HAPLN3: variants seen among roughly 807,000 people sequenced by gnomAD.
The protein encoded by HAPLN3 is hyaluronan and proteoglycan link protein 3.
Under a neutral mutation model 28.1 loss-of-function variants are expected in HAPLN3, and 28 were observed. The observed-to-expected ratio is 1.00, with a 90% confidence interval of 0.74 to 1.37. The LOEUF (loss-of-function observed/expected upper bound fraction) is 1.37. Among genes scored for constraint, HAPLN3 ranks in the 40% most tolerant of loss-of-function variants. HAPLN3 has a pLI of 0.00. For missense variants in HAPLN3, 513 were observed against 504.6 expected (o/e 1.02, Z -0.16); for synonymous variants, 211 against 213.1 (o/e 0.99, Z 0.09).
intron 2 of HAPLN3, among the ~76,000 whole-genome samples, chr15:88,883,142 T>C (rs1294562184): frequency 6.6e-6 from 1 of 152,196 alleles, no homozygotes; most frequent in Admixed American, 6.5e-5. Flanking sequence ...ATGTAGCAGA[T>C]TGCCATATGC....
chr15:88,878,288 C>T lies in HAPLN3; in HGVS notation c.797-32G>A, dbSNP rs74961103. 1,018 of 1,576,300 alleles carry T rather than the reference C, an allele frequency of 6.5e-4. 5 individuals carry two copies. In the East Asian group the frequency reaches 0.019, roughly 29 times the overall value. On this transcript the variant is annotated intron_variant, in intron 4 of 4. Coordinates refer to ENST00000359595, the MANE Select transcript of HAPLN3 (RefSeq NM_178232.4). ...GAAAGGGGGCGTGAGTGCCGTACAGCGCAGGGGGCAGCCAGAGAGCACAGC... is the reference window on the plus strand; with the variant it reads ...GAAAGGGGGCGTGAGTGCCGTACAGTGCAGGGGGCAGCCAGAGAGCACAGC...
At chr15:88,885,565 C>T (rs1897830767) in intron 2 of HAPLN3, among the ~76,000 whole-genome samples, 1 of 150,418 alleles carries the variant, frequency 6.6e-6, no homozygotes, top group Admixed American at 6.7e-5. Context: ...TCAAGCAATT[C>T]TCCTGCCTCA....
intron 1 of HAPLN3, among the ~76,000 whole-genome samples, chr15:88,894,676 C>T (rs919131050): frequency 6.6e-6 from 1 of 152,210 alleles, no homozygotes; most frequent in Non-Finnish European, 1.5e-5. Context: ...GGCACTCCCG[C>T]GGGTCAGCGC....
Position 88,881,521 on chromosome 15 carries a change from C to G in HAPLN3, c.329G>C (p.Arg110Pro), listed in dbSNP as rs751794682. Reference sequence around the variant, plus strand: ...GCGGCCTTGGTAGTCCCCAAAGGAGCGGTGCCTCAGCCCGATGGCCACCAG... The same window carrying G: ...GCGGCCTTGGTAGTCCCCAAAGGAGGGGTGCCTCAGCCCGATGGCCACCAG... ...DVLVAIGLRH[R>P]SFGDYQGRVH... is the part of the protein sequence containing the mutation. Residue 110 changes from arginine to proline, a missense_variant, in exon 3 of 5, where the codon CGC (arginine) becomes CCC (proline). Coordinates refer to ENST00000359595, the MANE Select transcript of HAPLN3 (RefSeq NM_178232.4). The surrounding 1 kb of genome is among the most constrained non-coding windows in gnomAD (Gnocchi z 6.0). The G allele has an allele frequency of 6.2e-7, 1 of 1,614,078 alleles. No homozygotes were observed. The highest frequency in any genetic ancestry group is 8.5e-7 in the Non-Finnish European group (1 of 1,180,044).
At chr15:88,885,943 G>C (rs1259770363) in intron 2 of HAPLN3, among the ~76,000 whole-genome samples, 1 of 152,128 alleles carries the variant, frequency 6.6e-6, no homozygotes, top group African/African-American at 2.4e-5. Context: ...AACTCTCTGA[G>C]CCTAGTTTGC....
Position 88,881,345 on chromosome 15 carries a change from T to C in HAPLN3, c.493+12A>G. On this transcript the variant is annotated intron_variant, in intron 3 of 4. Transcript: ENST00000359595. This position sits in a 1 kb window ranked among gnomAD's most constrained non-coding sequence, Gnocchi z 6.0. Reference sequence around the variant, plus strand: ...AGGTCCCAGTGTCACCCAGTCCCCGTTAGCATCTCACCCCGCAGCTCCAGC... The same window carrying C: ...AGGTCCCAGTGTCACCCAGTCCCCGCTAGCATCTCACCCCGCAGCTCCAGC... 1.2e-6 allele frequency: 2 copies of C among 1,604,472 alleles called. No homozygotes were observed. Among genetic ancestry groups the C allele is most frequent in the Non-Finnish European group, 1.7e-6 (2 of 1,175,144 alleles).
At chr15:88,882,668 T>C (rs1897738391) in intron 2 of HAPLN3, among the ~76,000 whole-genome samples, 1 of 152,188 alleles carries the variant, frequency 6.6e-6, no homozygotes, top group Admixed American at 6.5e-5. Flanking sequence ...CACTGATTCA[T>C]TCTCTTGGGT....
chr15:88,892,997 ATCT>A, intron 1 of HAPLN3: 16 of 1,535,136 alleles, frequency 1.0e-5, no homozygotes, highest in Non-Finnish European at 1.4e-5. Context: ...AGTTCCCCAA[ATCT>A]TCTGGAGTCC....
In HAPLN3 at chr15:88,878,156, G is replaced by C. The variant is rs551454219; in HGVS notation, c.897C>G (p.Leu299=). 2 of 1,614,182 alleles carry C rather than the reference G, an allele frequency of 1.2e-6. No individual in the cohort carries two copies. The highest frequency in any genetic ancestry group is 2.7e-5 in the African/African-American group (2 of 75,066). The part of the protein sequence containing the change: ...DDATIAKVGQ[L]FAAWKFHGLD... ...GGCCATGGAACTTCCAGGCGGCAAA[G>C]AGCTGTCCCACCTTGGCGATCGTGG... The change falls in exon 5 of 5, where the codon CTC becomes CTG. Residue 299 remains leucine, a synonymous_variant. Coordinates refer to ENST00000359595, the MANE Select transcript of HAPLN3 (RefSeq NM_178232.4).
In HAPLN3 at chr15:88,878,217, A is replaced by T; in HGVS notation, c.836T>A (p.Leu279Gln). 6.2e-7 allele frequency: 1 copy of T among 1,614,038 alleles called. No homozygotes were observed. Among genetic ancestry groups the T allele is most frequent in the Non-Finnish European group, 8.5e-7 (1 of 1,179,950 alleles). Reference sequence around the variant, plus strand: ...CTGGCAGGCCTCCCTTGCCTCTGTCAGCGTCAGCTTCTCAGGGTGCTCCAG... The same window carrying T: ...CTGGCAGGCCTCCCTTGCCTCTGTCTGCGTCAGCTTCTCAGGGTGCTCCAG... The part of the protein sequence containing the change: ...YYLEHPEKLT[L>Q]TEAREACQED... The change falls in exon 5 of 5, where the codon CTG becomes CAG. Residue 279 changes from leucine to glutamine, a missense_variant. Coordinates refer to ENST00000359595, the MANE Select transcript of HAPLN3 (RefSeq NM_178232.4).
In HAPLN3 at chr15:88,886,480, TA is replaced by T. The variant is rs199912281; in HGVS notation, c.124+694del. ...GTTGGGTGCACAATAACTGCTACTT[TA>T]AAACGTTCCCTGCCCAAGGCCACAC... On this transcript the variant is annotated intron_variant, in intron 2 of 4. Coordinates refer to ENST00000359595, the MANE Select transcript of HAPLN3 (RefSeq NM_178232.4). Among the ~76,000 whole-genome samples, 901 of 152,120 alleles carry T rather than the reference TA, an allele frequency of 5.9e-3. 13 individuals are homozygous for T. The highest frequency in any genetic ancestry group is 0.021 in the African/African-American group (859 of 41,508).
chr15:88,881,330 G>T lies in HAPLN3; in HGVS notation c.493+27C>A. 1 of 1,592,512 alleles carries T rather than the reference G, an allele frequency of 6.3e-7. No individual in the cohort carries two copies. Among genetic ancestry groups the T allele is most frequent in the Non-Finnish European group, 8.6e-7 (1 of 1,169,168 alleles). On this transcript the variant is annotated intron_variant, in intron 3 of 4. Transcript: ENST00000359595. The surrounding 1 kb of genome is among the most constrained non-coding windows in gnomAD (Gnocchi z 6.0). The stretch of plus-strand genomic sequence containing the variant: ...CTCCCCTCTGCTCTCAGGTCCCAGT[G>T]TCACCCAGTCCCCGTTAGCATCTCA...
chr15:88,886,814 G>C (rs1473739057), intron 2 of HAPLN3, among the ~76,000 whole-genome samples: 2 of 152,180 alleles, frequency 1.3e-5, no homozygotes, highest in African/African-American at 4.8e-5. Flanking sequence ...AACAGAGTGA[G>C]ACTTTATCTC....
intron 2 of HAPLN3, 37 bp downstream of exon 2, chr15:88,887,138 C>T (rs778408598): frequency 1.2e-6 from 2 of 1,612,676 alleles, no homozygotes; most frequent in South Asian, 1.1e-5. Context: ...CTAGGTCACC[C>T]AGGGGAGCAA....
At chr15:88,883,211 G>A (rs975283738) in intron 2 of HAPLN3, among the ~76,000 whole-genome samples, 1 of 152,224 alleles carries the variant, frequency 6.6e-6, no homozygotes, top group African/African-American at 2.4e-5. Context: ...GAATTTGTCA[G>A]AAATGCACAT....
Position 88,880,641 on chromosome 15 carries a change from A to T in HAPLN3, c.493+716T>A, listed in dbSNP as rs1472340276. On this transcript the variant is annotated intron_variant, in intron 3 of 4. Coordinates refer to ENST00000359595, the MANE Select transcript of HAPLN3 (RefSeq NM_178232.4). This position sits in a 1 kb window ranked among gnomAD's most constrained non-coding sequence, Gnocchi z 6.0. ...GACAGAGAAGGTAAATACAAATTAA[A>T]GATCAAACAGGGACCCCACATACAA... 1 of 1,276,560 alleles carries T rather than the reference A, an allele frequency of 7.8e-7. No homozygotes were observed. The highest frequency in any genetic ancestry group is 2.3e-5 in the Admixed American group (1 of 43,392). 79.1% of individuals were successfully genotyped at this position (1,276,560 alleles called of 1,614,324 possible). A position where few individuals can be genotyped will look rare whatever the true frequency, so the allele number is the denominator to read the frequency against.
intron 2 of HAPLN3, among the ~76,000 whole-genome samples, chr15:88,885,789 G>A (rs1596171166): frequency 6.6e-6 from 1 of 151,966 alleles, no homozygotes; most frequent in East Asian, 2.0e-4. Context: ...GTTTCGGTAT[G>A]TTGGCCAGGC....
chr15:88,889,118 TG>T (rs752395225), intron 1 of HAPLN3, among the ~76,000 whole-genome samples: 1 of 152,082 alleles, frequency 6.6e-6, no homozygotes, highest in Non-Finnish European at 1.5e-5. Context: ...TGCCATAGAG[TG>T]TCTGCTGCTG....
In HAPLN3 at chr15:88,879,030, AG is replaced by A. The variant is rs747031162; in HGVS notation, c.732del (p.Tyr245ThrfsTer33). ...TGCAGGCGGCGGTGGCGGGGGCCGT[AG>A]CTTCGCACGCCAGGTGCCAGGCCCG... ...GGPGLAPGVR[S>X]YGPRHRRLHR... On this transcript the variant is annotated frameshift_variant, in exon 4 of 5. Coordinates refer to ENST00000359595, the MANE Select transcript of HAPLN3 (RefSeq NM_178232.4). LOFTEE classifies it high-confidence loss of function. The surrounding 1 kb of genome is among the most constrained non-coding windows in gnomAD (Gnocchi z 5.0). The A allele has an allele frequency of 1.9e-6, 3 of 1,608,396 alleles. No homozygotes were observed. The African/African-American group carries it at 4.0e-5, about 21-fold the overall frequency.
Sources: allele counts gnomAD v4.1 joint callset (sites outside exome capture counted in the v4.1 genomes callset), GRCh38; gene constraint gnomAD v4.1.1; non-coding constraint Gnocchi (gnomAD v3.1); transcripts MANE v1.5; gene names NCBI Gene and HGNC (gene_info 2026-07-23, HGNC 2026-07-21).